LTBP4: variants seen among roughly 807,000 people sequenced by gnomAD.
LTBP4 encodes latent-transforming growth factor beta-binding protein 4.
Under a neutral mutation model 180.2 loss-of-function variants are expected in LTBP4, and 93 were observed. The ratio of observed to expected loss-of-function variants is 0.52; its 90% confidence interval spans 0.44 to 0.61. The LOEUF is 0.61. Ranked by LOEUF, LTBP4 falls within the 20% of genes least tolerant of loss-of-function variation. LTBP4 has a pLI of 0.00. For missense variants in LTBP4, 2,116 were observed against 2,256.5 expected, an observed-to-expected ratio of 0.94 and a Z score of 1.26; for synonymous variants, 947 against 934.5, an observed-to-expected ratio of 1.01 and a Z score of -0.24.
rs752127171 is a variant in LTBP4 at position 40,622,915 on chromosome 19, C to G, written c.3485-35C>G. The stretch of plus-strand genomic sequence containing the variant: ...GCAGGTCAGGGCTGGGGCTGGGGCT[C>G]TGGTGTCCTGGCTCAGGCTTGTCTC... On this transcript the variant is annotated intron_variant, in intron 23 of 29. Transcript: ENST00000396819. The surrounding 1 kb of genome is among the most constrained non-coding windows in gnomAD (Gnocchi z 5.1). 6.2e-7 allele frequency: 1 copy of G among 1,605,604 alleles called. No individual in the cohort carries two copies. Among genetic ancestry groups the G allele is most frequent in the East Asian group, 2.2e-5 (1 of 44,720 alleles).
intron 7 of LTBP4, 146 bp downstream of exon 7, chr19:40,607,675 C>T: frequency 2.3e-6 from 2 of 865,938 alleles, no homozygotes; most frequent in East Asian, 2.7e-5. Context: ...GACCCGCAGG[C>T]CTCAGACTGG....
Position 40,611,521 on chromosome 19 carries a change from C to A in LTBP4, c.2053+127C>A, listed in dbSNP as rs1018657642. 1 of 1,356,112 alleles carries A rather than the reference C, an allele frequency of 7.4e-7. No homozygotes were observed. The highest frequency in any genetic ancestry group is 9.9e-7 in the Non-Finnish European group (1 of 1,009,414). The allele number at this position is 1,356,112 out of a possible 1,614,324, so 84.0% of individuals were successfully genotyped here. On this transcript the variant is annotated intron_variant, in intron 13 of 29. Transcript: ENST00000396819. The surrounding 1 kb of genome is among the most constrained non-coding windows in gnomAD (Gnocchi z 4.4). Reference sequence around the variant, plus strand: ...GAGAACAGGGGCTGAGGGATGGGGACCTCACTCCAGAGTCTTCTCTCCTTT... The same window carrying A: ...GAGAACAGGGGCTGAGGGATGGGGAACTCACTCCAGAGTCTTCTCTCCTTT...
At chr19:40,628,715 G>A (rs1461081770) in intron 29 of LTBP4, among the ~76,000 whole-genome samples, 1 of 152,138 alleles carries the variant, frequency 6.6e-6, no homozygotes, top group Non-Finnish European at 1.5e-5. Flanking sequence ...TGCAAATGGA[G>A]GCACATGCGT....
At chr19:40,607,642 C>CAG in intron 7 of LTBP4, 113 bp downstream of exon 7, 2 of 1,242,840 alleles carry the variant, frequency 1.6e-6, no homozygotes, top group Non-Finnish European at 2.2e-6. Context: ...GGGCTCCAGC[C>CAG]TTGGCCACGC....
chr19:40,602,624 G>T (rs1232263445), intron 1 of LTBP4, among the ~76,000 whole-genome samples: 1 of 152,180 alleles, frequency 6.6e-6, no homozygotes, highest in South Asian at 2.1e-4. Context: ...GCCCCAACGT[G>T]CCTGTGCCAG....
Position 40,605,165 on chromosome 19 carries a change from AC to A in LTBP4, c.383del (p.Pro128GlnfsTer26). On this transcript the variant is annotated frameshift_variant, in exon 2 of 30. Coordinates refer to ENST00000396819, the MANE Select transcript of LTBP4 (RefSeq NM_001042545.2). LOFTEE classifies it high-confidence loss of function. The surrounding 1 kb of genome is among the most constrained non-coding windows in gnomAD (Gnocchi z 5.5). The stretch of plus-strand genomic sequence containing the variant: ...GCGCCCGGCCCCCGGCCCCGGCTGT[AC>A]CAGGCCTCACCCGCTCCGTGTACAC... The part of the protein sequence containing the change: ...SGARPPAPAV[P>X]GLTRSVYTMP... 3.7e-6 allele frequency: 6 copies of A among 1,610,078 alleles called. No homozygotes were observed. Among genetic ancestry groups the A allele is most frequent in the Non-Finnish European group, 5.1e-6 (6 of 1,178,514 alleles).
At chr19:40,617,264 G>A (rs752316820) in intron 21 of LTBP4, 39 bp downstream of exon 21, 5 of 1,595,092 alleles carry the variant, frequency 3.1e-6, no homozygotes, top group Admixed American at 1.7e-5. Flanking sequence ...CAAAGGGGGT[G>A]GGGGAGGTTG....
chr19:40,626,158 TG>T, intron 27 of LTBP4, 149 bp downstream of exon 27: 1 of 871,522 alleles, frequency 1.1e-6, no homozygotes, highest in Non-Finnish European at 1.7e-6. Context: ...CCCAAAATCT[TG>T]GTCCCCGATT....
At chr19:40,618,267 T>G (rs1182581920) in intron 21 of LTBP4, among the ~76,000 whole-genome samples, 1 of 151,672 alleles carries the variant, frequency 6.6e-6, no homozygotes, top group Non-Finnish European at 1.5e-5. Flanking sequence ...GAGTTTTTTT[T>G]TTTTTTTTGG....
chr19:40,620,767 CAAAAAAA>C (rs57662483), intron 22 of LTBP4, among the ~76,000 whole-genome samples: 1 of 100,482 alleles, frequency 1.0e-5, no homozygotes. Flanking sequence ...GACTCCGTCC[CAAAAAAA>C]AAAAAAAAAA....
chr19:40,606,459 G>A lies in LTBP4; in HGVS notation c.924G>A (p.Thr308=), dbSNP rs578082530. 8 of 1,585,918 alleles carry A rather than the reference G, an allele frequency of 5.0e-6. No individual in the cohort carries two copies. Among genetic ancestry groups the A allele is most frequent in the South Asian group, 4.6e-5 (4 of 86,892 alleles). The part of the protein sequence containing the change: ...GRCQHGECAN[T]RGGYTCVCPD... ...GCCAGCACGGCGAGTGTGCAAACACGCGCGGCGGGTACACGTGTGTGTGCC... is the reference window on the plus strand; with the variant it reads ...GCCAGCACGGCGAGTGTGCAAACACACGCGGCGGGTACACGTGTGTGTGCC... The change falls in exon 6 of 30, where the codon ACG becomes ACA. Residue 308 remains threonine (T), a synonymous_variant. Coordinates refer to ENST00000396819, the MANE Select transcript of LTBP4 (RefSeq NM_001042545.2).
At chr19:40,623,064 C>CACTT in intron 24 of LTBP4, 43 bp downstream of exon 24, 2 of 1,483,294 alleles carry the variant, frequency 1.3e-6, no homozygotes, top group Non-Finnish European at 1.8e-6. Context: ...AGCTCTGAGG[C>CACTT]CCAGCTTCGT....
At chr19:40,604,209 T>C (rs2040856104) in intron 1 of LTBP4, among the ~76,000 whole-genome samples, 1 of 151,744 alleles carries the variant, frequency 6.6e-6, no homozygotes, top group South Asian at 2.1e-4. Flanking sequence ...CAGGTTAAGC[T>C]CCTGGATAGG....
In LTBP4 at chr19:40,613,214, C is replaced by T. The variant is rs2081520519; in HGVS notation, c.2431+18C>T. 1.3e-6 allele frequency: 2 copies of T among 1,557,926 alleles called. No homozygotes were observed. Among genetic ancestry groups the T allele is most frequent in the South Asian group, 2.4e-5 (2 of 84,956 alleles). On this transcript the variant is annotated intron_variant, in intron 16 of 29. Transcript: ENST00000396819. The surrounding 1 kb of genome is among the most constrained non-coding windows in gnomAD (Gnocchi z 5.0). ...CTGCGCAGGTGAGCAGCATAGGGAC[C>T]CGCCAGAGAGTCTGGGAGTAGGGCC...
At position 40,605,242 on chromosome 19, in the gene LTBP4, C is replaced by G; in HGVS notation, c.442+16C>G. On this transcript the variant is annotated intron_variant, in intron 2 of 29. Transcript: ENST00000396819. This position sits in a 1 kb window ranked among gnomAD's most constrained non-coding sequence, Gnocchi z 5.5. ...GACGAGCACGGTGAGGAAAGGGTGG[C>G]CAGAGTCCCCTCCGACCCCTGTCAA... The G allele has an allele frequency of 6.3e-7, 1 of 1,576,198 alleles. No individual in the cohort carries two copies. Among genetic ancestry groups the G allele is most frequent in the Non-Finnish European group, 8.6e-7 (1 of 1,160,630 alleles).
intron 19 of LTBP4, 57 bp downstream of exon 19, chr19:40,614,503 T>A: frequency 6.4e-7 from 1 of 1,561,358 alleles, no homozygotes; most frequent in Non-Finnish European, 8.6e-7. Flanking sequence ...TGGAGGCTGC[T>A]CCCTTGGGGA....
At position 40,623,597 on chromosome 19, in the gene LTBP4, C is replaced by T. The variant is rs2081602698; in HGVS notation, c.3557-7C>T. The T allele has an allele frequency of 1.2e-6, 2 of 1,610,898 alleles. No individual in the cohort carries two copies. The highest frequency in any genetic ancestry group is 1.7e-6 in the Non-Finnish European group (2 of 1,178,186). ...CGCCCCCATCTCTCTCTCTGCTTTT[C>T]GCACAGACGTGGACGAATGTCAGCT... On this transcript the variant is annotated splice_region_variant and splice_polypyrimidine_tract_variant and intron_variant, in intron 24 of 29. Coordinates refer to ENST00000396819, the MANE Select transcript of LTBP4 (RefSeq NM_001042545.2).
intron 22 of LTBP4, among the ~76,000 whole-genome samples, chr19:40,620,032 G>A (rs1022356796): frequency 6.6e-6 from 1 of 152,150 alleles, no homozygotes; most frequent in Non-Finnish European, 1.5e-5. Context: ...GACACAGCAA[G>A]GGCAAAGGCC....
intron 1 of LTBP4, among the ~76,000 whole-genome samples, chr19:40,595,247 G>A (rs952569348): frequency 1.3e-5 from 2 of 152,148 alleles, no homozygotes; most frequent in Admixed American, 1.3e-4. Context: ...CTCTGAGGGT[G>A]GTGCCTTAGG....
Sources: gnomAD v4.1 joint callset for allele counts (sites outside exome capture counted in the v4.1 genomes callset) on GRCh38, gnomAD v4.1.1 for gene constraint, Gnocchi (gnomAD v3.1) non-coding constraint, MANE v1.5 for transcripts, NCBI Gene and HGNC (gene_info 2026-07-23, HGNC 2026-07-21) for gene names.